The following PCDHGB1 variants were observed in gnomAD, a reference collection of about 807,000 sequenced individuals.
PCDHGB1 encodes the protein protocadherin gamma subfamily B, 1.
Under a neutral mutation model 56.6 loss-of-function variants are expected in PCDHGB1, and 34 were observed. The observed-to-expected ratio is 0.60, with a 90% CI of 0.46 to 0.80. The LOEUF is 0.80. Among genes scored for constraint, PCDHGB1 ranks in the 30% least tolerant of loss-of-function variants. The probability of loss-of-function intolerance (pLI) is 0.00; values close to 1 mark genes in which losing one functional copy is unlikely to be tolerated. For missense variants in PCDHGB1, 1,278 were observed against 1,204.6 expected (o/e 1.06, Z -0.90); for synonymous variants, 561 against 505.9 (o/e 1.11, Z -1.46).
At chr5:141,361,113 T>C (rs773447927) in intron 1 of PCDHGB1, 2 of 1,613,996 alleles carry the variant, frequency 1.2e-6, no homozygotes, top group East Asian at 2.2e-5. Flanking sequence ...ATCCTGGAGA[T>C]CTAGCAGCCC....
intron 1 of PCDHGB1, chr5:141,382,977 C>T: frequency 6.2e-7 from 1 of 1,610,566 alleles, no homozygotes. Context: ...CCTGGGAAGC[C>T]TGGGCAGGAC....
intron 1 of PCDHGB1, among the ~76,000 whole-genome samples, chr5:141,358,782 T>C (rs1761019410): frequency 6.6e-6 from 1 of 152,248 alleles, no homozygotes; most frequent in Non-Finnish European, 1.5e-5. Flanking sequence ...AAGGTTGAGT[T>C]ACTTGGGTTC....
rs1460626002 is a variant in PCDHGB1, at chr5:141,486,935, C to A, written c.2410-7872C>A. ...ACTGCCTCCATCAGTTGGTGCTGGC[C>A]ACCTAATCACAAAGGTGACTGCTGT... On this transcript the variant is annotated intron_variant, in intron 1 of 3. Transcript: ENST00000523390. This position sits in a 1 kb window ranked among gnomAD's most constrained non-coding sequence, Gnocchi z 5.0. 5 of 1,614,228 alleles carry A rather than the reference C, an allele frequency of 3.1e-6. No individual in the cohort carries two copies. The highest frequency in any genetic ancestry group is 4.2e-6 in the Non-Finnish European group (5 of 1,180,038).
Position 141,485,716 on chromosome 5 carries a change from T to C in PCDHGB1, c.2410-9091T>C. Reference sequence around the variant, plus strand: ...GCTCCAATGAACACTTTGCACTGGATGTGAAGAAGCGCAGCGACGGCAGCC... The same window carrying C: ...GCTCCAATGAACACTTTGCACTGGACGTGAAGAAGCGCAGCGACGGCAGCC... On this transcript the variant is annotated intron_variant, in intron 1 of 3. Coordinates refer to ENST00000523390, the MANE Select transcript of PCDHGB1 (RefSeq NM_018922.3). The surrounding 1 kb of genome is among the most constrained non-coding windows in gnomAD (Gnocchi z 5.7). The C allele has an allele frequency of 6.2e-7, 1 of 1,614,044 alleles. No individual in the cohort carries two copies. Among genetic ancestry groups the C allele is most frequent in the Non-Finnish European group, 8.5e-7 (1 of 1,180,002 alleles).
At chr5:141,420,024 C>T (rs2096459407) in intron 1 of PCDHGB1, 1 of 1,614,088 alleles carries the variant, frequency 6.2e-7, no homozygotes, top group Non-Finnish European at 8.5e-7. Context: ...TTCAGCCCTA[C>T]TGCAGGAGAC....
chr5:141,448,955 A>G (rs929888928), intron 1 of PCDHGB1, among the ~76,000 whole-genome samples: 1 of 152,174 alleles, frequency 6.6e-6, no homozygotes. Flanking sequence ...AAAAAAACAA[A>G]CAAACAAACA....
At position 141,486,804 on chromosome 5, in the gene PCDHGB1, C is replaced by G. The variant is rs755001457; in HGVS notation, c.2410-8003C>G. On this transcript the variant is annotated intron_variant, in intron 1 of 3. Transcript: ENST00000523390. This position sits in a 1 kb window ranked among gnomAD's most constrained non-coding sequence, Gnocchi z 5.0. ...CAGGCCCGGGATCGGGGCAACCCAC[C>G]CCTTAGCAGCACTGTAACAGTTCGT... 2 of 1,614,232 alleles carry G rather than the reference C, an allele frequency of 1.2e-6. No homozygotes were observed. The highest frequency in any genetic ancestry group is 3.3e-5 in the Admixed American group (2 of 60,032).
At chr5:141,504,511 CTCTGATAT>C (rs2099838890) in intron 2 of PCDHGB1, among the ~76,000 whole-genome samples, 1 of 151,902 alleles carries the variant, frequency 6.6e-6, no homozygotes, top group Non-Finnish European at 1.5e-5. Flanking sequence ...AGTGGATCTC[CTCTGATAT>C]ATTTTATTCG....
At chr5:141,492,163 C>G (rs921256341) in intron 1 of PCDHGB1, among the ~76,000 whole-genome samples, 3 of 152,232 alleles carry the variant, frequency 2.0e-5, no homozygotes, top group Admixed American at 6.5e-5. Flanking sequence ...CCTCCCTATC[C>G]CCGCATCACC....
chr5:141,358,882 T>C (rs573260789), intron 1 of PCDHGB1, among the ~76,000 whole-genome samples: 1 of 152,374 alleles, frequency 6.6e-6, no homozygotes, highest in African/African-American at 2.4e-5. Flanking sequence ...CATGTGGCTC[T>C]GGGATTATTT....
In PCDHGB1 at chr5:141,477,294, C is replaced by T. The variant is rs753131175; in HGVS notation, c.2410-17513C>T. ...GGGCTGGTGACCTGCGAAGTTCCAC[C>T]GGGTCTCCCTTTCAGCCTTACTTCT... is the stretch of plus-strand genomic sequence containing the variant. On this transcript the variant is annotated intron_variant, in intron 1 of 3. Transcript: ENST00000523390. The surrounding 1 kb of genome is among the most constrained non-coding windows in gnomAD (Gnocchi z 4.9). 4.3e-6 allele frequency: 7 copies of T among 1,614,142 alleles called. No individual in the cohort carries two copies. Among genetic ancestry groups the T allele is most frequent in the East Asian group, 4.5e-5 (2 of 44,872 alleles).
intron 1 of PCDHGB1, chr5:141,394,449 A>G (rs773696678): frequency 2.5e-6 from 4 of 1,614,112 alleles, no homozygotes; most frequent in Admixed American, 1.7e-5. Context: ...CAGCAGCAAC[A>G]TGTCACTGAG....
intron 1 of PCDHGB1, among the ~76,000 whole-genome samples, chr5:141,450,062 A>G (rs546772416): frequency 1.1e-4 from 15 of 142,322 alleles, no homozygotes; most frequent in African/African-American, 4.0e-4. Flanking sequence ...GCTGGAATGC[A>G]GTGGTATGAT....
chr5:141,489,459 C>T lies in PCDHGB1; in HGVS notation c.2410-5348C>T. The T allele has an allele frequency of 6.2e-7, 1 of 1,614,086 alleles. No homozygotes were observed. The highest frequency in any genetic ancestry group is 8.5e-7 in the Non-Finnish European group (1 of 1,180,012). On this transcript the variant is annotated intron_variant, in intron 1 of 3. Coordinates refer to ENST00000523390, the MANE Select transcript of PCDHGB1 (RefSeq NM_018922.3). The surrounding 1 kb of genome is among the most constrained non-coding windows in gnomAD (Gnocchi z 4.5). The stretch of plus-strand genomic sequence containing the variant: ...AATTGGGCTCTGAGGAGAATGGGCG[C>T]TATTTTTCCCTGAGCTTGATGAGTG...
intron 1 of PCDHGB1, chr5:141,372,650 C>T (rs1768944912): frequency 6.2e-7 from 1 of 1,614,008 alleles, no homozygotes; most frequent in African/African-American, 1.3e-5. Context: ...CTTATTCCTA[C>T]AATCCGTGTG....
At chr5:141,364,904 C>A (rs748515825) in intron 1 of PCDHGB1, 1 of 1,613,994 alleles carries the variant, frequency 6.2e-7, no homozygotes, top group South Asian at 1.1e-5. Flanking sequence ...ACAAAAGTAT[C>A]CGGAGCTGGT....
At chr5:141,415,746 T>G (rs766611858) in intron 1 of PCDHGB1, 17 of 662,556 alleles carry the variant, frequency 2.6e-5, no homozygotes, top group East Asian at 1.1e-4. Context: ...TAAGGTTTTT[T>G]TTTTTTTTTT....
rs771867567 is a variant in PCDHGB1 at position 141,419,867 on chromosome 5, G to A, written c.2409+67198G>A. 3.1e-6 allele frequency: 5 copies of A among 1,614,086 alleles called. No homozygotes were observed. In the South Asian group the frequency reaches 5.5e-5, roughly 18 times the overall value. On this transcript the variant is annotated intron_variant, in intron 1 of 3. Transcript: ENST00000523390. Reference sequence around the variant, plus strand: ...CCTGGTGTTCGCAGATAGCTTGCAAGAGGTACTGCCGGATTTCAGCGACCA... The same window carrying A: ...CCTGGTGTTCGCAGATAGCTTGCAAAAGGTACTGCCGGATTTCAGCGACCA...
In PCDHGB1 at chr5:141,489,153, G is replaced by A; in HGVS notation, c.2410-5654G>A. The A allele has an allele frequency of 1.1e-6, 1 of 935,832 alleles. No homozygotes were observed. The highest frequency in any genetic ancestry group is 1.6e-6 in the Non-Finnish European group (1 of 627,178). 58.0% of individuals were successfully genotyped at this position (935,832 alleles called of 1,614,324 possible). A position where few individuals can be genotyped will look rare whatever the true frequency, so the allele number is the denominator to read the frequency against. ...TTTAAGAGGCTGGAAGGAGACATAA[G>A]AGACTTCAGCTGCTGCATTCCAAGC... On this transcript the variant is annotated intron_variant, in intron 1 of 3. Coordinates refer to ENST00000523390, the MANE Select transcript of PCDHGB1 (RefSeq NM_018922.3). This position sits in a 1 kb window ranked among gnomAD's most constrained non-coding sequence, Gnocchi z 4.5.
Sources: allele counts gnomAD v4.1 joint callset (sites outside exome capture counted in the v4.1 genomes callset), GRCh38; gene constraint gnomAD v4.1.1; non-coding constraint Gnocchi (gnomAD v3.1); transcripts MANE v1.5; gene names NCBI Gene and HGNC (gene_info 2026-07-23, HGNC 2026-07-21).